VSTM2B: variants seen among roughly 807,000 people sequenced by gnomAD.
VSTM2B encodes V-set and transmembrane domain-containing protein 2B.
In VSTM2B, 24 loss-of-function variants were observed where a neutral mutation model predicts 24.0. The observed-to-expected ratio is 1.00, with a 90% confidence interval of 0.72 to 1.40. The LOEUF (loss-of-function observed/expected upper bound fraction) is 1.40, where lower values mean the gene tolerates loss of function less well. Among genes scored for constraint, VSTM2B ranks in the 40% most tolerant of loss-of-function variants. The pLI, the probability that VSTM2B is intolerant of heterozygous loss-of-function variation, is 0.00. For synonymous variants in VSTM2B, 226 were observed against 194.4 expected, an observed-to-expected ratio of 1.16 and a Z score of -1.35; for missense variants, 399 against 416.4, an observed-to-expected ratio of 0.96 and a Z score of 0.36.
At chr19:29,555,508 GA>G (rs1373222037) in intron 4 of VSTM2B, among the ~76,000 whole-genome samples, 1 of 151,986 alleles carries the variant, frequency 6.6e-6, no homozygotes, top group African/African-American at 2.4e-5. Context: ...AGAGAACCAA[GA>G]GAAAACAAAC....
chr19:29,527,100 C>T, intron 1 of VSTM2B, 111 bp from the exon 2 acceptor site: 1 of 969,084 alleles, frequency 1.0e-6, no homozygotes, highest in Non-Finnish European at 1.5e-6. Context: ...GGAGCAGCTG[C>T]GGGGTGGGGG....
chr19:29,556,648 G>A (rs11882018), intron 4 of VSTM2B, among the ~76,000 whole-genome samples: 2,385 of 152,236 alleles, frequency 0.016, 65 homozygotes, highest in African/African-American at 0.055. Context: ...CAGCCAAAAA[G>A]CAACTTAAGC....
chr19:29,526,645 T>C lies in VSTM2B; in HGVS notation c.62T>C (p.Leu21Pro). ...GYLPPLLLHA[L>P]LLFVADAAFT... ...CTGCCGCCTCTGCTGCTGCATGCCC[T>C]GCTGCTCTTCGTGGCCGACGGTGAG... The change falls in exon 1 of 5, where the codon CTG becomes CCG. Residue 21 changes from leucine (L) to proline (P), a missense_variant. Physicochemically the swap from Leu to Pro is moderately conservative, Grantham distance 98. Transcript: ENST00000335523. The surrounding 1 kb of genome is among the most constrained non-coding windows in gnomAD (Gnocchi z 4.1). 1.3e-6 allele frequency: 2 copies of C among 1,529,642 alleles called. No homozygotes were observed. Among genetic ancestry groups the C allele is most frequent in the South Asian group, 1.2e-5 (1 of 82,866 alleles). 94.8% of individuals were successfully genotyped at this position (1,529,642 alleles called of 1,614,324 possible).
At chr19:29,552,237 A>G (rs917981636) in intron 4 of VSTM2B, among the ~76,000 whole-genome samples, 5 of 152,180 alleles carry the variant, frequency 3.3e-5, no homozygotes, top group Non-Finnish European at 7.4e-5. Context: ...GCCCCGATTC[A>G]TTTGGGAAAC....
chr19:29,539,266 G>A (rs1469857425), intron 4 of VSTM2B, among the ~76,000 whole-genome samples: 1 of 152,150 alleles, frequency 6.6e-6, no homozygotes, highest in Admixed American at 6.6e-5. Context: ...TCCATGTCAT[G>A]CCTGGTCGTG....
rs1324200240 is a variant in VSTM2B at position 29,526,473 on chromosome 19, G to C, written c.-111G>C. On this transcript the variant is annotated 5_prime_UTR_variant, in exon 1 of 5. Coordinates refer to ENST00000335523, the MANE Select transcript of VSTM2B (RefSeq NM_001146339.2). The surrounding 1 kb of genome is among the most constrained non-coding windows in gnomAD (Gnocchi z 4.1). Reference sequence around the variant, plus strand: ...GGCCAGGGGAGGGGGCGCCGCGCGGGGCCATGGCAGGCTCGGAGGCGTCCT... The same window carrying C: ...GGCCAGGGGAGGGGGCGCCGCGCGGCGCCATGGCAGGCTCGGAGGCGTCCT... 11 of 627,128 alleles carry C rather than the reference G, an allele frequency of 1.8e-5. No individual in the cohort carries two copies. Among genetic ancestry groups the C allele is most frequent in the Non-Finnish European group, 2.2e-5 (10 of 449,628 alleles). The allele number at this position is 627,128 out of a possible 1,614,324, so 38.8% of individuals were successfully genotyped here.
intron 4 of VSTM2B, among the ~76,000 whole-genome samples, 152 bp downstream of exon 4, chr19:29,530,442 C>G (rs897749936): frequency 2.1e-5 from 3 of 146,070 alleles, no homozygotes; most frequent in South Asian, 2.4e-4. Context: ...AGCGCCCCCC[C>G]CAGGGCCTTC....
At chr19:29,552,390 T>G (rs982927120) in intron 4 of VSTM2B, among the ~76,000 whole-genome samples, 3 of 152,212 alleles carry the variant, frequency 2.0e-5, no homozygotes, top group Non-Finnish European at 2.9e-5. Flanking sequence ...GTTCTCTCAC[T>G]GGTACTGACG....
At chr19:29,557,911 A>T (rs887238663) in intron 4 of VSTM2B, among the ~76,000 whole-genome samples, 4 of 152,142 alleles carry the variant, frequency 2.6e-5, no homozygotes, top group African/African-American at 9.7e-5. Flanking sequence ...GAGTGAACAG[A>T]CAACCTATAG....
At chr19:29,535,476 G>C (rs564047192) in intron 4 of VSTM2B, among the ~76,000 whole-genome samples, 3 of 152,136 alleles carry the variant, frequency 2.0e-5, no homozygotes, top group African/African-American at 7.2e-5. Context: ...ACAGAGAGCC[G>C]GCTGGATGTG....
intron 4 of VSTM2B, 42 bp downstream of exon 4, chr19:29,530,332 C>A: frequency 6.8e-7 from 1 of 1,465,280 alleles, no homozygotes; most frequent in Non-Finnish European, 9.0e-7. Flanking sequence ...GGGGATGGCG[C>A]AGGGCTAGGG....
chr19:29,545,028 C>G (rs1451344962), intron 4 of VSTM2B, among the ~76,000 whole-genome samples: 1 of 152,176 alleles, frequency 6.6e-6, no homozygotes, highest in Non-Finnish European at 1.5e-5. Flanking sequence ...TACGGCCATC[C>G]ACATACAGCC....
At chr19:29,552,470 GGCAAGGGAA>G (rs1970309087) in intron 4 of VSTM2B, among the ~76,000 whole-genome samples, 1 of 152,180 alleles carries the variant, frequency 6.6e-6, no homozygotes, top group African/African-American at 2.4e-5. Context: ...AGCCGCATGG[GGCAAGGGAA>G]GCACCTACCA....
rs762488681 is a variant in VSTM2B at position 29,527,386 on chromosome 19, C to T, written c.258C>T (p.Ala86=). Residue 86 remains alanine, a synonymous_variant, in exon 2 of 5, where the codon GCC becomes GCT. Transcript: ENST00000335523. ...AGCTGGCGCTCAGCGTGCCGGGCGCCCGGAGCAAGGTAACCCGCCGCCCAC... is the reference window on the plus strand; with the variant it reads ...AGCTGGCGCTCAGCGTGCCGGGCGCTCGGAGCAAGGTAACCCGCCGCCCAC... ...LHELALSVPG[A]RSKVTNKDAT... is the part of the protein sequence containing the mutation. 1.1e-4 allele frequency: 171 copies of T among 1,537,208 alleles called. No individual in the cohort carries two copies. Among genetic ancestry groups the T allele is most frequent in the Non-Finnish European group, 1.5e-4 (168 of 1,143,352 alleles).
chr19:29,558,360 G>A (rs1239879137), intron 4 of VSTM2B, among the ~76,000 whole-genome samples: 1 of 152,160 alleles, frequency 6.6e-6, no homozygotes, highest in African/African-American at 2.4e-5. Context: ...CCATTACTGG[G>A]TATTTACCCA....
chr19:29,537,803 C>T (rs1043568441), intron 4 of VSTM2B, among the ~76,000 whole-genome samples: 10 of 137,134 alleles, frequency 7.3e-5, no homozygotes, highest in Non-Finnish European at 1.4e-4. Flanking sequence ...ACCAGCTTGC[C>T]AGAAGGGCCA....
intron 4 of VSTM2B, 149 bp downstream of exon 4, chr19:29,530,439 C>T (rs1018994426): frequency 5.0e-6 from 3 of 604,390 alleles, no homozygotes; most frequent in African/African-American, 2.6e-5. Context: ...GGGAGCGCCC[C>T]CCCCAGGGCC....
chr19:29,555,224 A>G (rs991985340), intron 4 of VSTM2B, among the ~76,000 whole-genome samples: 1 of 152,244 alleles, frequency 6.6e-6, no homozygotes, highest in Admixed American at 6.5e-5. Flanking sequence ...ACCACAGTGC[A>G]ATCAAATTAG....
At chr19:29,534,657 A>T (rs1969844435) in intron 4 of VSTM2B, among the ~76,000 whole-genome samples, 1 of 151,740 alleles carries the variant, frequency 6.6e-6, no homozygotes, top group Non-Finnish European at 1.5e-5. Context: ...CGGAGTTTGA[A>T]GTGAGCCGAG....
Sources: gnomAD v4.1 joint callset for allele counts (sites outside exome capture counted in the v4.1 genomes callset) on GRCh38, gnomAD v4.1.1 for gene constraint, Gnocchi (gnomAD v3.1) non-coding constraint, MANE v1.5 for transcripts, NCBI Gene and HGNC (gene_info 2026-07-23, HGNC 2026-07-21) for gene names.